PRDM16: variants seen among roughly 807,000 people sequenced by gnomAD.
PRDM16 encodes the protein PR/SET domain 16, also known as histone-lysine N-methyltransferase PRDM16.
PRDM16 carries 23 observed loss-of-function variants against 110.6 expected under a neutral mutation model. The observed-to-expected ratio is 0.21, with a 90% CI of 0.15 to 0.29. The LOEUF (loss-of-function observed/expected upper bound fraction) is 0.29, where lower values mean the gene tolerates loss of function less well. Ranked by LOEUF, PRDM16 falls within the 10% of genes least tolerant of loss-of-function variation. PRDM16 has a pLI of 1.00. For synonymous variants in PRDM16, 799 were observed against 781.8 expected (o/e 1.02, Z -0.37); for missense variants, 1,615 against 1,794.3 (o/e 0.90, Z 1.81).
chr1:3,427,009 C>T (rs1638628325), intron 14 of PRDM16, among the ~76,000 whole-genome samples: 1 of 152,252 alleles, frequency 6.6e-6, no homozygotes, highest in South Asian at 2.1e-4. Context: ...TGCACACATG[C>T]AAGTACATGC....
At chr1:3,253,042 G>A (rs1036113065) in intron 3 of PRDM16, among the ~76,000 whole-genome samples, 20 of 152,014 alleles carry the variant, frequency 1.3e-4, no homozygotes, top group Non-Finnish European at 2.4e-4. Flanking sequence ...CTGCTGCTGC[G>A]CTTGTCACCC....
At chr1:3,164,388 A>G in intron 1 of PRDM16, among the ~76,000 whole-genome samples, 1 of 152,242 alleles carries the variant, frequency 6.6e-6, no homozygotes, top group East Asian at 1.9e-4. Context: ...TTGGGCCGAC[A>G]GCTTCTGGGA....
chr1:3,417,749 C>A, intron 10 of PRDM16, 79 bp from the exon 11 acceptor site: 1 of 1,222,472 alleles, frequency 8.2e-7, no homozygotes, highest in Admixed American at 1.8e-5. Context: ...TGCTGTTGTA[C>A]AGAACCCCCA....
chr1:3,423,550 T>C (rs1349191427), intron 12 of PRDM16, among the ~76,000 whole-genome samples: 1 of 152,114 alleles, frequency 6.6e-6, no homozygotes, highest in Non-Finnish European at 1.5e-5. Context: ...CTCCCGAGTG[T>C]CACCAGGCAC....
intron 3 of PRDM16, among the ~76,000 whole-genome samples, chr1:3,276,277 G>A (rs898820425): frequency 1.2e-4 from 19 of 152,198 alleles, no homozygotes; most frequent in African/African-American, 4.3e-4. Context: ...CGCCATCCTC[G>A]CCAGGCCTGC....
chr1:3,262,755 G>A (rs911956033), intron 3 of PRDM16, among the ~76,000 whole-genome samples: 11 of 152,240 alleles, frequency 7.2e-5, no homozygotes, highest in Non-Finnish European at 1.6e-4. Flanking sequence ...GAAAACATGA[G>A]GGTGTGCGAG....
Position 3,152,204 on chromosome 1 carries a change from G to A in PRDM16, c.38-33921G>A, listed in dbSNP as rs111241653. 6.5e-3 allele frequency among the ~76,000 whole-genome samples: 993 copies of A among 152,310 alleles called. 11 individuals are homozygous for A. Among genetic ancestry groups the A allele is most frequent in the African/African-American group, 0.023 (942 of 41,554 alleles). ...GAAGGTGGGGAAGGCAGGAGTCTCT[G>A]AGAATTCCTGATTCAGAATCTGGGG... On this transcript the variant is annotated intron_variant, in intron 1 of 16. Coordinates refer to ENST00000270722, the MANE Select transcript of PRDM16 (RefSeq NM_022114.4).
rs1172414043 is a variant in PRDM16, at chr1:3,432,023, G to A, written c.3579G>A (p.Gly1193=). 1.2e-6 allele frequency: 2 copies of A among 1,614,014 alleles called. No homozygotes were observed. The highest frequency in any genetic ancestry group is 1.7e-6 in the Non-Finnish European group (2 of 1,180,016). Residue 1193 remains glycine (G), a synonymous_variant, in exon 16 of 17, where the codon GGG becomes GGA. Coordinates refer to ENST00000270722, the MANE Select transcript of PRDM16 (RefSeq NM_022114.4). ...LLALEPMPTF[G]KGLDLRRAAE... ...CTTTGGAGCCGATGCCGACTTTTGG[G>A]AAGGGGCTGGACCTCCGCAGAGCAG... is the stretch of plus-strand genomic sequence containing the variant.
chr1:3,338,063 A>G (rs1482985218), intron 3 of PRDM16, among the ~76,000 whole-genome samples: 2 of 151,840 alleles, frequency 1.3e-5, no homozygotes, highest in African/African-American at 4.8e-5. Flanking sequence ...ATTCACACAG[A>G]CACGTGTGCA....
intron 1 of PRDM16, among the ~76,000 whole-genome samples, chr1:3,181,510 ACGCAGTCTTACACAAG>A (rs1644184582): frequency 3.5e-5 from 3 of 84,980 alleles, no homozygotes; most frequent in Admixed American, 1.3e-4. Context: ...GGTCTTACAC[ACGCAGTCTTACACAAG>A]CGGTCTTACA....
Position 3,203,327 on chromosome 1 carries a change from A to G in PRDM16, c.387+16853A>G, listed in dbSNP as rs553440249. 9.8e-5 allele frequency among the ~76,000 whole-genome samples: 15 copies of G among 152,332 alleles called. 1 individual carries two copies. The highest frequency in any genetic ancestry group is 2.4e-4 in the African/African-American group (10 of 41,576). On this transcript the variant is annotated intron_variant, in intron 2 of 16. Transcript: ENST00000270722. ...TACCTTGCCACCCACACAACCGTTGAGTTCTCATTCTATGTTTGTGTTCTA... is the reference window on the plus strand; with the variant it reads ...TACCTTGCCACCCACACAACCGTTGGGTTCTCATTCTATGTTTGTGTTCTA...
intron 8 of PRDM16, among the ~76,000 whole-genome samples, chr1:3,407,203 G>A (rs563986429): frequency 2.6e-5 from 4 of 152,278 alleles, no homozygotes; most frequent in African/African-American, 7.2e-5. Context: ...GGTGATGTCC[G>A]CCAGCCAGCC....
chr1:3,129,197 GAT>G (rs201744418), intron 1 of PRDM16, among the ~76,000 whole-genome samples: 1,481 of 143,832 alleles, frequency 0.01, 25 homozygotes, highest in African/African-American at 0.037. Flanking sequence ...TGGGTGTGTG[GAT>G]ATGTGTACAT....
intron 1 of PRDM16, among the ~76,000 whole-genome samples, chr1:3,141,942 C>A (rs956743286): frequency 6.6e-6 from 1 of 152,268 alleles, no homozygotes; most frequent in African/African-American, 2.4e-5. Flanking sequence ...TTCTGGCCCT[C>A]AGGCCTGCCT....
At chr1:3,224,990 G>A (rs887007421) in intron 2 of PRDM16, among the ~76,000 whole-genome samples, 7 of 152,232 alleles carry the variant, frequency 4.6e-5, no homozygotes, top group Admixed American at 6.5e-5. Context: ...AAAAGGCCAA[G>A]GGCATCACCT....
In PRDM16 at chr1:3,430,888, G is replaced by A. The variant is rs201654872; in HGVS notation, c.3301G>A (p.Val1101Met). 1.5e-3 allele frequency: 2,409 copies of A among 1,614,114 alleles called. 46 individuals are homozygous for A. The South Asian group carries it at 0.024, about 16-fold the overall frequency. ...TCATTTCAGGGCGGACATGCAGATC[G>A]TGGACGGCAGTGCCCAGTGTCCAGG... is the stretch of plus-strand genomic sequence containing the variant. ...RTEKRADMQI[V>M]DGSAQCPGLA... Residue 1101 changes from valine (V) to methionine (M), a missense_variant, in exon 15 of 17, where the codon GTG (valine) becomes ATG (methionine). Val to Met is a conservative substitution (Grantham distance 21, BLOSUM62 1). Around this residue, in one of 5 missense-constraint regions of PRDM16, gnomAD observed 327 missense variants for 359.3 expected, o/e 0.91. Transcript: ENST00000270722.
rs546345255 is a variant in PRDM16 at position 3,114,897 on chromosome 1, G to A, written c.37+45601G>A. ...AGGCCCTGGCCGGGATGCAGGATTC[G>A]CACTCAGCCCTCAGGGTGAGGAGAG... On this transcript the variant is annotated intron_variant, in intron 1 of 16. Transcript: ENST00000270722. Among the ~76,000 whole-genome samples, 9 of 152,370 alleles carry A rather than the reference G, an allele frequency of 5.9e-5. 1 individual carries two copies. The South Asian group carries it at 8.3e-4, about 14-fold the overall frequency.
intron 3 of PRDM16, among the ~76,000 whole-genome samples, chr1:3,249,770 A>G (rs1030580506): frequency 4.6e-5 from 7 of 152,356 alleles, no homozygotes; most frequent in East Asian, 1.9e-4. Context: ...CCCTTTGACA[A>G]CATGTCTCTC....
chr1:3,314,071 C>CGGGGGGGGGGGGGG (rs747479644), intron 3 of PRDM16, among the ~76,000 whole-genome samples: 25 of 100,484 alleles, frequency 2.5e-4, no homozygotes, highest in African/African-American at 1.4e-3. Flanking sequence ...CCTTCCCCAC[C>CGGGGGGGGGGGGGG]GGGGGGGGGG....
Sources: allele counts gnomAD v4.1 joint callset (sites outside exome capture counted in the v4.1 genomes callset), GRCh38; gene constraint gnomAD v4.1.1; regional missense constraint gnomAD v4.1.1; transcripts MANE v1.5; gene names NCBI Gene and HGNC (gene_info 2026-07-23, HGNC 2026-07-21).